ZNF804A: variants seen among roughly 807,000 people sequenced by gnomAD.
ZNF804A encodes the protein zinc finger protein 804A.
In ZNF804A, 2 loss-of-function variants were observed where a neutral mutation model predicts 16.5. The ratio of observed to expected loss-of-function variants is 0.12; its 90% CI spans 0.05 to 0.38. The LOEUF is 0.38. ZNF804A is among the 10% of genes least tolerant of loss of function. The pLI, the probability that ZNF804A is intolerant of heterozygous loss-of-function variation, is 0.99. For missense variants in ZNF804A, 1,473 were observed against 1,390.7 expected (o/e 1.06, Z -0.94); for synonymous variants, 534 against 489.6 (o/e 1.09, Z -1.20).
intron 2 of ZNF804A, among the ~76,000 whole-genome samples, chr2:184,890,642 A>G (rs1355338766): frequency 6.6e-6 from 1 of 151,976 alleles, no homozygotes; most frequent in Non-Finnish European, 1.5e-5. Flanking sequence ...TAACTCTCCA[A>G]GATACTTCAC....
intron 2 of ZNF804A, among the ~76,000 whole-genome samples, chr2:184,927,401 T>A (rs1478069205): frequency 6.6e-6 from 1 of 152,228 alleles, no homozygotes; most frequent in Non-Finnish European, 1.5e-5. Flanking sequence ...TGGAGTGTCA[T>A]AAACACCCCT....
intron 1 of ZNF804A, among the ~76,000 whole-genome samples, chr2:184,612,990 T>G (rs1691262891): frequency 6.6e-6 from 1 of 152,260 alleles, no homozygotes; most frequent in Non-Finnish European, 1.5e-5. Flanking sequence ...ATTTGGAGAC[T>G]GAGGATGTTG....
chr2:184,931,983 C>T (rs187005160), intron 2 of ZNF804A, among the ~76,000 whole-genome samples: 9 of 152,296 alleles, frequency 5.9e-5, no homozygotes, highest in African/African-American at 2.2e-4. Context: ...AGTCTTTTTG[C>T]TAAAGCATAA....
At chr2:184,657,773 T>C (rs1415888910) in intron 1 of ZNF804A, among the ~76,000 whole-genome samples, 4 of 152,184 alleles carry the variant, frequency 2.6e-5, no homozygotes, top group African/African-American at 9.7e-5. Context: ...GAGGGATGGA[T>C]TTTTATAAGC....
chr2:184,907,211 G>A (rs1366145377), intron 2 of ZNF804A, among the ~76,000 whole-genome samples: 2 of 152,112 alleles, frequency 1.3e-5, no homozygotes, highest in Non-Finnish European at 2.9e-5. Context: ...AAGCCATTTA[G>A]TTTCTGTTAA....
chr2:184,692,665 C>G (rs1453212036), intron 1 of ZNF804A, among the ~76,000 whole-genome samples: 5 of 152,110 alleles, frequency 3.3e-5, no homozygotes, highest in African/African-American at 9.7e-5. Flanking sequence ...AGAAATCTGT[C>G]TATTTTATTG....
intron 1 of ZNF804A, among the ~76,000 whole-genome samples, chr2:184,794,360 C>A (rs994986096): frequency 6.6e-6 from 1 of 151,850 alleles, no homozygotes; most frequent in Non-Finnish European, 1.5e-5. Context: ...GTTGGCCATT[C>A]GTATATCTTG....
chr2:184,783,714 G>T (rs551393187), intron 1 of ZNF804A, among the ~76,000 whole-genome samples: 1 of 151,878 alleles, frequency 6.6e-6, no homozygotes, highest in African/African-American at 2.4e-5. Flanking sequence ...GCAGAGCCAC[G>T]TATTCCACAG....
chr2:184,701,123 A>C (rs981630964), intron 1 of ZNF804A, among the ~76,000 whole-genome samples: 2 of 151,980 alleles, frequency 1.3e-5, no homozygotes, highest in African/African-American at 4.8e-5. Flanking sequence ...ATTGTACTTA[A>C]AAAAAGAAAT....
chr2:184,697,436 T>G (rs1692849865), intron 1 of ZNF804A, among the ~76,000 whole-genome samples: 2 of 152,112 alleles, frequency 1.3e-5, no homozygotes, highest in African/African-American at 4.8e-5. Flanking sequence ...GAACAACTAC[T>G]ACTTACATTA....
intron 1 of ZNF804A, among the ~76,000 whole-genome samples, chr2:184,641,427 A>G (rs1316354919): frequency 1.3e-5 from 2 of 152,208 alleles, no homozygotes; most frequent in African/African-American, 2.4e-5. Context: ...TTGACTAGGA[A>G]GAGAAACAAG....
At chr2:184,821,480 A>G (rs926889709) in intron 1 of ZNF804A, among the ~76,000 whole-genome samples, 2 of 152,148 alleles carry the variant, frequency 1.3e-5, no homozygotes, top group African/African-American at 2.4e-5. Flanking sequence ...AATCTACGCA[A>G]TGCCATTCAG....
At chr2:184,748,288 T>G (rs75556636) in intron 1 of ZNF804A, among the ~76,000 whole-genome samples, 3 of 44,650 alleles carry the variant, frequency 6.7e-5, no homozygotes, top group Non-Finnish European at 1.7e-4. Context: ...CTAACATCTG[T>G]TTTTTTTTTT....
At chr2:184,861,659 C>T (rs1019273914) in intron 1 of ZNF804A, among the ~76,000 whole-genome samples, 1 of 152,130 alleles carries the variant, frequency 6.6e-6, no homozygotes, top group Non-Finnish European at 1.5e-5. Context: ...TGTATATACC[C>T]TACTAACAGT....
chr2:184,913,359 T>C (rs1685393284), intron 2 of ZNF804A, among the ~76,000 whole-genome samples: 1 of 152,182 alleles, frequency 6.6e-6, no homozygotes, highest in South Asian at 2.1e-4. Flanking sequence ...TTTACCAGTG[T>C]ACTTTATTTC....
intron 1 of ZNF804A, among the ~76,000 whole-genome samples, chr2:184,799,921 G>A (rs1694698737): frequency 6.6e-6 from 1 of 152,140 alleles, no homozygotes; most frequent in African/African-American, 2.4e-5. Flanking sequence ...GGGAGAATTT[G>A]TAAGTGAAAT....
intron 1 of ZNF804A, among the ~76,000 whole-genome samples, chr2:184,681,340 T>C (rs1026823696): frequency 7.2e-5 from 11 of 152,182 alleles, no homozygotes; most frequent in African/African-American, 2.2e-4. Context: ...AAAAGATTCT[T>C]ATGTTACCAA....
At chr2:184,864,416 A>T (rs532594039) in intron 1 of ZNF804A, among the ~76,000 whole-genome samples, 7 of 152,224 alleles carry the variant, frequency 4.6e-5, no homozygotes, top group Admixed American at 1.3e-4. Flanking sequence ...CAGCATTGAA[A>T]ATCACACTTT....
At chr2:184,726,076 A>G (rs916918530) in intron 1 of ZNF804A, among the ~76,000 whole-genome samples, 2 of 151,714 alleles carry the variant, frequency 1.3e-5, no homozygotes, top group African/African-American at 4.8e-5. Flanking sequence ...GCTACTGCAA[A>G]TGAAACGGCT....
Sources: gnomAD v4.1 joint callset for allele counts (sites outside exome capture counted in the v4.1 genomes callset) on GRCh38, gnomAD v4.1.1 for gene constraint, MANE v1.5 for transcripts, NCBI Gene and HGNC (gene_info 2026-07-23, HGNC 2026-07-21) for gene names.